Variants in MARK2 observed in about 807,000 individuals in gnomAD.
MARK2 encodes serine/threonine-protein kinase MARK2.
Under a neutral mutation model 89.8 loss-of-function variants are expected in MARK2, and 16 were observed. The ratio of observed to expected loss-of-function variants is 0.18; its 90% CI spans 0.12 to 0.27. The LOEUF is 0.27. Among genes scored for constraint, MARK2 ranks in the 10% least tolerant of loss-of-function variants. MARK2 has a pLI of 1.00. For missense variants in MARK2, 621 were observed against 1,049.9 expected (o/e 0.59, Z 5.65); for synonymous variants, 382 against 399.5 (o/e 0.96, Z 0.52).
chr11:63,846,726 G>A (rs894453948), intron 1 of MARK2, among the ~76,000 whole-genome samples: 2 of 151,488 alleles, frequency 1.3e-5, no homozygotes, highest in East Asian at 3.9e-4. Flanking sequence ...CACGATCTCG[G>A]CTCACTGCAA....
intron 1 of MARK2, among the ~76,000 whole-genome samples, chr11:63,854,633 G>A (rs1021091442): frequency 3.3e-5 from 5 of 151,528 alleles, no homozygotes; most frequent in Middle Eastern, 3.2e-3. Flanking sequence ...TAAGGAGTTC[G>A]AGACCAGCCT....
rs924286394 is a variant in MARK2, at chr11:63,895,267, C to A, written c.163C>A (p.Leu55Ile). 6.2e-7 allele frequency: 1 copy of A among 1,614,016 alleles called. No homozygotes were observed. The highest frequency in any genetic ancestry group is 8.5e-7 in the Non-Finnish European group (1 of 1,180,022). Residue 55 changes from leucine (L) to isoleucine (I), a missense_variant, in exon 2 of 19, where the codon CTC (leucine) becomes ATC (isoleucine). Transcript: ENST00000402010. ...DEQPHIGNYR[L>I]LKTIGKGNFA... ...GCAGCCCCACATTGGAAACTACCGGCTCCTCAAGACCATTGGCAAGGGTAA... is the reference window on the plus strand; with the variant it reads ...GCAGCCCCACATTGGAAACTACCGGATCCTCAAGACCATTGGCAAGGGTAA...
At chr11:63,842,801 C>G (rs1455026859) in intron 1 of MARK2, among the ~76,000 whole-genome samples, 4 of 152,092 alleles carry the variant, frequency 2.6e-5, no homozygotes, top group Admixed American at 6.6e-5. Flanking sequence ...GGTAAACAAA[C>G]ACCACTGGTT....
At chr11:63,875,665 G>C (rs955205394) in intron 1 of MARK2, among the ~76,000 whole-genome samples, 4 of 152,240 alleles carry the variant, frequency 2.6e-5, no homozygotes, top group Admixed American at 2.6e-4. Flanking sequence ...CCGCCCTTGA[G>C]ATGGGGCAGA....
Position 63,839,307 on chromosome 11 carries a change from C to T in MARK2, c.-200C>T, listed in dbSNP as rs1468853207. The T allele has an allele frequency of 1.1e-5, 4 of 375,052 alleles. No individual in the cohort carries two copies. Among genetic ancestry groups the T allele is most frequent in the African/African-American group, 2.1e-5 (1 of 46,640 alleles). 23.2% of individuals were successfully genotyped at this position (375,052 alleles called of 1,614,324 possible). A position where few individuals can be genotyped will look rare whatever the true frequency, so the allele number is the denominator to read the frequency against. On this transcript the variant is annotated 5_prime_UTR_variant, in exon 1 of 19. Transcript: ENST00000402010. ...GGGTCGGGGGGGTGCGGTCCGGAGCCGCTCGGAGCCGGCGCGGCCTAGCCC... is the reference window on the plus strand; with the variant it reads ...GGGTCGGGGGGGTGCGGTCCGGAGCTGCTCGGAGCCGGCGCGGCCTAGCCC...
chr11:63,908,735 C>A, intron 18 of MARK2, 142 bp from the exon 19 acceptor site: 2 of 761,178 alleles, frequency 2.6e-6, no homozygotes, highest in Non-Finnish European at 3.9e-6. Flanking sequence ...CACCCTCCGC[C>A]CCCGCAGGCC....
rs1457347128 is a variant in MARK2, at chr11:63,904,771, C to T, written c.1677-15C>T. 1.2e-6 allele frequency: 2 copies of T among 1,611,978 alleles called. No homozygotes were observed. The highest frequency in any genetic ancestry group is 1.7e-6 in the Non-Finnish European group (2 of 1,178,364). On this transcript the variant is annotated splice_polypyrimidine_tract_variant and intron_variant, in intron 15 of 18. Transcript: ENST00000402010. This position sits in a 1 kb window ranked among gnomAD's most constrained non-coding sequence, Gnocchi z 6.3. ...CCCTAATTCGTCCCCCTCAACCCCACTTCTCTTCCCACAGCACAGCCCCCC... is the reference window on the plus strand; with the variant it reads ...CCCTAATTCGTCCCCCTCAACCCCATTTCTCTTCCCACAGCACAGCCCCCC...
At chr11:63,872,288 AT>A (rs1938495166) in intron 1 of MARK2, among the ~76,000 whole-genome samples, 1 of 152,142 alleles carries the variant, frequency 6.6e-6, no homozygotes, top group South Asian at 2.1e-4. Context: ...CACAGACTAG[AT>A]TGCACAACAC....
rs1435613772 is a variant in MARK2 at position 63,909,540 on chromosome 11, G to A, written c.*303G>A. ...CCCCTCGGTACTGCGGTTGCACAGAGTATTTCGCCTAAACCAAGAAATTTT... is the reference window on the plus strand; with the variant it reads ...CCCCTCGGTACTGCGGTTGCACAGAATATTTCGCCTAAACCAAGAAATTTT... On this transcript the variant is annotated 3_prime_UTR_variant, in exon 19 of 19. Transcript: ENST00000402010. The A allele has an allele frequency of 3.8e-6, 1 of 263,974 alleles. No individual in the cohort carries two copies. Among genetic ancestry groups the A allele is most frequent in the African/African-American group, 2.2e-5 (1 of 45,038 alleles). 16.4% of individuals were successfully genotyped at this position (263,974 alleles called of 1,614,324 possible). A position where few individuals can be genotyped will look rare whatever the true frequency, so the allele number is the denominator to read the frequency against.
rs115793793 is a variant in MARK2 at position 63,847,651 on chromosome 11, C to G, written c.54+8091C>G. ...TGTCAACAACCCCCTTCTCCCCAAA[C>G]ACTGAATGGGTCTCTGAGCTGGTCC... On this transcript the variant is annotated intron_variant, in intron 1 of 18. Transcript: ENST00000402010. 1.2e-3 allele frequency among the ~76,000 whole-genome samples: 188 copies of G among 152,352 alleles called. 1 individual carries two copies. Among genetic ancestry groups the G allele is most frequent in the African/African-American group, 4.4e-3 (183 of 41,570 alleles).
chr11:63,879,127 A>G (rs1022107082), intron 1 of MARK2, among the ~76,000 whole-genome samples: 1 of 152,042 alleles, frequency 6.6e-6, no homozygotes, highest in Non-Finnish European at 1.5e-5. Flanking sequence ...CAACATGGTA[A>G]AACCCCATCT....
chr11:63,900,567 G>A lies in MARK2; in HGVS notation c.777G>A (p.Arg259=), dbSNP rs1940779765. Residue 259 remains arginine (R), a synonymous_variant, in exon 9 of 19, where the codon CGG becomes CGA. Coordinates refer to ENST00000402010, the MANE Select transcript of MARK2 (RefSeq NM_001039469.3). The surrounding 1 kb of genome is among the most constrained non-coding windows in gnomAD (Gnocchi z 4.7). ...PFDGQNLKEL[R]ERVLRGKYRI... is the part of the protein sequence containing the mutation. ...CCTGGATCCTCCTGCAGGAGCTGCG[G>A]GAACGGGTACTGAGGGGAAAATACC... The A allele has an allele frequency of 6.2e-7, 1 of 1,614,080 alleles. No individual in the cohort carries two copies. The highest frequency in any genetic ancestry group is 8.5e-7 in the Non-Finnish European group (1 of 1,179,980).
chr11:63,888,640 G>A (rs1168999588), intron 1 of MARK2: 1 of 1,169,882 alleles, frequency 8.5e-7, no homozygotes, highest in Non-Finnish European at 1.1e-6. Flanking sequence ...ACCAGGCTCT[G>A]GCCCTTGAGA....
chr11:63,861,898 T>C (rs983761515), intron 1 of MARK2, among the ~76,000 whole-genome samples: 1 of 150,632 alleles, frequency 6.6e-6, no homozygotes, highest in African/African-American at 2.4e-5. Context: ...TCTGCCACCA[T>C]GCCTGGCTAA....
At chr11:63,865,789 T>A (rs547621988) in intron 1 of MARK2, among the ~76,000 whole-genome samples, 91 of 152,344 alleles carry the variant, frequency 6.0e-4, no homozygotes, top group African/African-American at 2.1e-3. Flanking sequence ...CTTTTTCAAG[T>A]AAACAGATAG....
rs901205664 is a variant in MARK2 at position 63,856,319 on chromosome 11, T to G, written c.54+16759T>G. ...CACTGGCCCTGTGGGTTTTTTTTTT[T>G]TGTTTTTTTTTTTTTTTTAAATATA... On this transcript the variant is annotated intron_variant, in intron 1 of 18. Coordinates refer to ENST00000402010, the MANE Select transcript of MARK2 (RefSeq NM_001039469.3). Among the ~76,000 whole-genome samples, 6 of 58,534 alleles carry G rather than the reference T, an allele frequency of 1.0e-4. No homozygotes were observed. In the South Asian group the frequency reaches 2.1e-3, roughly 20 times the overall value. The allele number at this position is 58,534 out of a possible 152,430, so 38.4% of individuals were successfully genotyped here.
At chr11:63,857,893 A>C (rs2016948068) in intron 1 of MARK2, among the ~76,000 whole-genome samples, 1 of 151,840 alleles carries the variant, frequency 6.6e-6, no homozygotes, top group Non-Finnish European at 1.5e-5. Flanking sequence ...CCCGGGTTAG[A>C]GTGGAATGGC....
At chr11:63,851,290 G>T (rs539439650) in intron 1 of MARK2, among the ~76,000 whole-genome samples, 58 of 152,078 alleles carry the variant, frequency 3.8e-4, no homozygotes, top group Middle Eastern at 3.2e-3. Flanking sequence ...GCTGTGGCTG[G>T]GGGAAGGTAA....
At position 63,872,144 on chromosome 11, in the gene MARK2, G is replaced by T. The variant is rs190377232; in HGVS notation, c.55-23015G>T. Among the ~76,000 whole-genome samples, 285 of 152,298 alleles carry T rather than the reference G, an allele frequency of 1.9e-3. 1 individual carries two copies. Among genetic ancestry groups the T allele is most frequent in the African/African-American group, 6.4e-3 (265 of 41,558 alleles). On this transcript the variant is annotated intron_variant, in intron 1 of 18. Coordinates refer to ENST00000402010, the MANE Select transcript of MARK2 (RefSeq NM_001039469.3). ...GAAGTATGTAGTGGCCATTCCTCCG[G>T]CCACTCCTGACAAATATTTCTGTCA...
Sources: allele counts gnomAD v4.1 joint callset (sites outside exome capture counted in the v4.1 genomes callset), GRCh38; gene constraint gnomAD v4.1.1; non-coding constraint Gnocchi (gnomAD v3.1); transcripts MANE v1.5; gene names NCBI Gene and HGNC (gene_info 2026-07-23, HGNC 2026-07-21).